STK32B: variants seen among roughly 807,000 people sequenced by gnomAD.
The protein encoded by STK32B is serine/threonine kinase 32B.
In STK32B, 43 loss-of-function variants were observed where a neutral mutation model predicts 52.6. The observed-to-expected ratio is 0.82, with a 90% confidence interval of 0.64 to 1.05. The LOEUF (loss-of-function observed/expected upper bound fraction) is 1.05. STK32B is among the 50% of genes least tolerant of loss of function. The pLI is 0.00. For synonymous variants in STK32B, 238 were observed against 204.3 expected, an observed-to-expected ratio of 1.17 and a Z score of -1.41; for missense variants, 621 against 534.6, an observed-to-expected ratio of 1.16 and a Z score of -1.59.
At chr4:5,343,293 G>A (rs181187505) in intron 4 of STK32B, among the ~76,000 whole-genome samples, 17 of 152,116 alleles carry the variant, frequency 1.1e-4, no homozygotes, top group Admixed American at 7.2e-4. Context: ...CATTTTTTAT[G>A]GCTGCATAGT....
intron 6 of STK32B, among the ~76,000 whole-genome samples, chr4:5,425,925 G>C (rs1713052656): frequency 6.6e-6 from 1 of 152,128 alleles, no homozygotes; most frequent in Non-Finnish European, 1.5e-5. Flanking sequence ...TGATGTATTT[G>C]AGATTTACTC....
At chr4:5,426,096 C>T (rs1026011154) in intron 6 of STK32B, among the ~76,000 whole-genome samples, 1 of 152,084 alleles carries the variant, frequency 6.6e-6, no homozygotes, top group Non-Finnish European at 1.5e-5. Flanking sequence ...CTTAAATTTC[C>T]ATTTCTCTGG....
chr4:5,462,639 G>C (rs777794733), intron 9 of STK32B, among the ~76,000 whole-genome samples: 8 of 152,194 alleles, frequency 5.3e-5, no homozygotes, highest in Admixed American at 3.3e-4. Context: ...CAGCCCCAGG[G>C]CTGCCAGGGA....
Position 5,460,251 on chromosome 4 carries a change from G to A in STK32B, c.909+23G>A. On this transcript the variant is annotated intron_variant, in intron 9 of 11. Coordinates refer to ENST00000282908, the MANE Select transcript of STK32B (RefSeq NM_018401.3). The surrounding 1 kb of genome is among the most constrained non-coding windows in gnomAD (Gnocchi z 4.8). Reference sequence around the variant, plus strand: ...AATGTGAGTGGAAGTCCCACCTGATGTCATGCCACCCCTCTGCAGGGTCCC... The same window carrying A: ...AATGTGAGTGGAAGTCCCACCTGATATCATGCCACCCCTCTGCAGGGTCCC... The A allele has an allele frequency of 6.3e-7, 1 of 1,599,252 alleles. No individual in the cohort carries two copies. Among genetic ancestry groups the A allele is most frequent in the Middle Eastern group, 2.0e-4 (1 of 5,082 alleles).
intron 3 of STK32B, among the ~76,000 whole-genome samples, chr4:5,314,995 A>G (rs976696000): frequency 7.2e-5 from 11 of 152,310 alleles, no homozygotes; most frequent in Admixed American, 7.2e-4. Flanking sequence ...AAAATTGAAG[A>G]TTTATGCTCG....
intron 1 of STK32B, among the ~76,000 whole-genome samples, chr4:5,118,336 G>A (rs1458002776): frequency 6.6e-6 from 1 of 152,100 alleles, no homozygotes; most frequent in Non-Finnish European, 1.5e-5. Context: ...ATCCAGTTTT[G>A]ACTGGCATGT....
chr4:5,228,374 T>G (rs1038708189), intron 3 of STK32B, among the ~76,000 whole-genome samples: 1 of 152,228 alleles, frequency 6.6e-6, no homozygotes, highest in Non-Finnish European at 1.5e-5. Context: ...CTGCAATTTC[T>G]TCTGCTGACT....
chr4:5,474,371 G>A (rs960129119), intron 11 of STK32B, among the ~76,000 whole-genome samples: 2 of 152,158 alleles, frequency 1.3e-5, no homozygotes, highest in African/African-American at 2.4e-5. Context: ...TCTGAGCCTC[G>A]GACTTCTCAT....
rs528438574 is a variant in STK32B, at chr4:5,149,843, TTC to T, written c.108+9889_108+9890del. 2.2e-3 allele frequency among the ~76,000 whole-genome samples: 328 copies of T among 152,090 alleles called. 1 individual carries two copies. The highest frequency in any genetic ancestry group is 3.9e-3 in the Non-Finnish European group (262 of 67,852). On this transcript the variant is annotated intron_variant, in intron 2 of 11. Transcript: ENST00000282908. ...TCATATTTTTAAGGAAAATCTAGGT[TTC>T]TCTCTGGTATCATTTCCATTCAGCC...
chr4:5,348,352 G>A (rs1349601676), intron 4 of STK32B, among the ~76,000 whole-genome samples: 1 of 152,140 alleles, frequency 6.6e-6, no homozygotes, highest in African/African-American at 2.4e-5. Flanking sequence ...GCAGCAGGCT[G>A]CCATTTTGAG....
chr4:5,204,620 C>T (rs181395081), intron 3 of STK32B, among the ~76,000 whole-genome samples: 152 of 152,150 alleles, frequency 1.0e-3, no homozygotes, highest in Non-Finnish European at 1.4e-3. Flanking sequence ...CAGGTGGCTG[C>T]CACCACACCT....
At chr4:5,246,848 C>T (rs1332432215) in intron 3 of STK32B, among the ~76,000 whole-genome samples, 5 of 152,300 alleles carry the variant, frequency 3.3e-5, no homozygotes, top group East Asian at 3.9e-4. Context: ...CTTCAGACCC[C>T]GTTTTCCTGG....
chr4:5,127,899 A>G (rs1210052755), intron 1 of STK32B, among the ~76,000 whole-genome samples: 1 of 151,296 alleles, frequency 6.6e-6, no homozygotes, highest in Non-Finnish European at 1.5e-5. Flanking sequence ...ACGAGATCTG[A>G]TGGTTTTATA....
intron 3 of STK32B, among the ~76,000 whole-genome samples, chr4:5,298,499 T>C (rs1022635470): frequency 6.6e-6 from 1 of 152,146 alleles, no homozygotes; most frequent in African/African-American, 2.4e-5. Context: ...AGGAGGAATC[T>C]AGAGAGTCAG....
In STK32B at chr4:5,387,738, G is replaced by GT. The variant is rs77410171; in HGVS notation, c.435-10462dup. ...GCTGGCATGCTTCTGCCACTGTTTT[G>GT]TTTTTTTATTCGTTTGTTTGTTTTG... On this transcript the variant is annotated intron_variant, in intron 4 of 11. Transcript: ENST00000282908. Among the ~76,000 whole-genome samples, 567 of 152,116 alleles carry GT rather than the reference G, an allele frequency of 3.7e-3. 20 individuals carry two copies. The East Asian group carries it at 0.074, about 20-fold the overall frequency.
chr4:5,318,144 TGTG>T (rs1436368847), intron 3 of STK32B, among the ~76,000 whole-genome samples: 1 of 152,138 alleles, frequency 6.6e-6, no homozygotes, highest in Non-Finnish European at 1.5e-5. Flanking sequence ...TGCATGCACT[TGTG>T]TGTGTGATTG....
At chr4:5,143,125 G>GTC (rs1553835303) in intron 2 of STK32B, among the ~76,000 whole-genome samples, 1 of 99,998 alleles carries the variant, frequency 1.0e-5, no homozygotes, top group Non-Finnish European at 2.3e-5. Flanking sequence ...CTGTCTGTCT[G>GTC]TCTGTCTATC....
At chr4:5,020,896 G>A in the STK32B span, among the ~76,000 whole-genome samples, 122,626 of 151,804 alleles carry the variant, frequency 0.81, 50,101 homozygotes, top group East Asian at 1. Context: ...CTCGGGGGAT[G>A]TGAAGCTGGG....
chr4:5,360,491 A>G (rs944289195), intron 4 of STK32B, among the ~76,000 whole-genome samples: 1 of 152,158 alleles, frequency 6.6e-6, no homozygotes, highest in African/African-American at 2.4e-5. Flanking sequence ...TGTAGAATAG[A>G]CCGTGTGTGC....
Sources: gnomAD v4.1 joint callset for allele counts (sites outside exome capture counted in the v4.1 genomes callset) on GRCh38, gnomAD v4.1.1 for gene constraint, Gnocchi (gnomAD v3.1) non-coding constraint, MANE v1.5 for transcripts, NCBI Gene and HGNC (gene_info 2026-07-23, HGNC 2026-07-21) for gene names.